Variants in MAST2 observed in about 807,000 individuals in gnomAD.
The protein encoded by MAST2 is microtubule-associated serine/threonine-protein kinase 2.
A neutral mutation model predicts 147.4 loss-of-function variants in MAST2; 70 were observed. The ratio of observed to expected loss-of-function variants is 0.47; its 90% CI spans 0.39 to 0.58. The LOEUF (loss-of-function observed/expected upper bound fraction) is 0.58. Ranked by LOEUF, MAST2 falls within the 20% of genes least tolerant of loss-of-function variation. The pLI, the probability that MAST2 is intolerant of heterozygous loss-of-function variation, is 0.00. For synonymous variants in MAST2, 869 were observed against 896.8 expected (o/e 0.97, Z 0.55); for missense variants, 2,080 against 2,302.3 (o/e 0.90, Z 1.98).
At chr1:46,019,798 C>A in intron 11 of MAST2, 101 bp downstream of exon 11, 1 of 998,182 alleles carries the variant, frequency 1.0e-6, no homozygotes, top group Non-Finnish European at 1.6e-6. Flanking sequence ...ACTGCCATTT[C>A]TGTTGCTTAG....
chr1:45,870,795 G>A (rs537056586), intron 3 of MAST2, among the ~76,000 whole-genome samples: 4 of 151,796 alleles, frequency 2.6e-5, no homozygotes, highest in East Asian at 1.9e-4. Flanking sequence ...CAGGCGTGGC[G>A]GTGCACACCT....
rs59944185 is a variant in MAST2 at position 45,883,912 on chromosome 1, G to GCCTCCCCCCCCCCCCC, written c.500+1519_500+1520insTCCCCCCCCCCCCCCC. Reference sequence around the variant, plus strand: ...ACTTGGTCATTTTTCTACTATTTCTGCCCCCCCCGCTTTTTTTTGGTTGCT... The same window carrying GCCTCCCCCCCCCCCCC: ...ACTTGGTCATTTTTCTACTATTTCTGCCTCCCCCCCCCCCCCCCCCCCCCGCTTTTTTTTGGTTGCT... On this transcript the variant is annotated intron_variant, in intron 4 of 28. Transcript: ENST00000361297. Among the ~76,000 whole-genome samples the GCCTCCCCCCCCCCCCC allele has an allele frequency of 7.2e-3, 18 of 2,500 alleles. 7 individuals are homozygous for GCCTCCCCCCCCCCCCC. Among genetic ancestry groups the GCCTCCCCCCCCCCCCC allele is most frequent in the Admixed American group, 0.031 (2 of 64 alleles). 1.6% of individuals were successfully genotyped at this position (2,500 alleles called of 152,430 possible).
chr1:46,023,694 A>G lies in MAST2; in HGVS notation c.1572-78A>G. Reference sequence around the variant, plus strand: ...TTCTGTGCATTAATTAAGGTGTGAGAGAAGGCAGTTTGGGTGGCAGAGAGC... The same window carrying G: ...TTCTGTGCATTAATTAAGGTGTGAGGGAAGGCAGTTTGGGTGGCAGAGAGC... On this transcript the variant is annotated intron_variant, in intron 14 of 28. Transcript: ENST00000361297. This position sits in a 1 kb window ranked among gnomAD's most constrained non-coding sequence, Gnocchi z 4.9. 1 of 1,330,702 alleles carries G rather than the reference A, an allele frequency of 7.5e-7. No homozygotes were observed. Among genetic ancestry groups the G allele is most frequent in the Non-Finnish European group, 1.1e-6 (1 of 948,524 alleles). The allele number at this position is 1,330,702 out of a possible 1,614,324, so 82.4% of individuals were successfully genotyped here. A position where few individuals can be genotyped will look rare whatever the true frequency, so the allele number is the denominator to read the frequency against.
At chr1:46,033,758 A>C (rs1183016591) in intron 26 of MAST2, 44 bp from the exon 27 acceptor site, 1 of 1,600,608 alleles carries the variant, frequency 6.2e-7, no homozygotes, top group Non-Finnish European at 8.6e-7. Context: ...GAGGGGCAAG[A>C]ATATGGCTCC....
chr1:45,858,074 C>T (rs893405156), intron 3 of MAST2, among the ~76,000 whole-genome samples: 24 of 151,948 alleles, frequency 1.6e-4, no homozygotes, highest in African/African-American at 4.6e-4. Context: ...AATAAACATA[C>T]GTGTGTATGT....
intron 1 of MAST2, among the ~76,000 whole-genome samples, chr1:45,808,423 G>A (rs957181751): frequency 3.3e-5 from 5 of 152,078 alleles, no homozygotes; most frequent in Admixed American, 2.0e-4. Flanking sequence ...TGCCCAGGCT[G>A]GTCTCGAACT....
At chr1:46,017,926 C>T (rs1646026049) in intron 10 of MAST2, among the ~76,000 whole-genome samples, 1 of 152,208 alleles carries the variant, frequency 6.6e-6, no homozygotes, top group Non-Finnish European at 1.5e-5. Flanking sequence ...TCCTTGTATC[C>T]TATTTACTAC....
intron 3 of MAST2, chr1:45,847,659 T>C (rs1021998430): frequency 1.4e-5 from 6 of 413,816 alleles, no homozygotes; most frequent in South Asian, 1.3e-4. Context: ...ACCCAGGCAG[T>C]CTCACCAACC....
chr1:45,960,986 G>C (rs1405191653), intron 5 of MAST2, among the ~76,000 whole-genome samples: 1 of 152,096 alleles, frequency 6.6e-6, no homozygotes, highest in Non-Finnish European at 1.5e-5. Context: ...AGTATTTGAG[G>C]GTCCTGAGAG....
intron 1 of MAST2, among the ~76,000 whole-genome samples, chr1:45,816,286 A>G (rs1385902002): frequency 6.6e-6 from 1 of 151,856 alleles, no homozygotes; most frequent in Non-Finnish European, 1.5e-5. Flanking sequence ...CCCAAGAATA[A>G]CAGATGCAAA....
chr1:45,876,767 A>C (rs961591282), intron 3 of MAST2, among the ~76,000 whole-genome samples: 1 of 152,198 alleles, frequency 6.6e-6, no homozygotes, highest in Non-Finnish European at 1.5e-5. Context: ...AGTCCTGGGC[A>C]TCAAATGCAG....
rs926097188 is a variant in MAST2, at chr1:45,827,119, C to T, written c.326-2320C>T. Among the ~76,000 whole-genome samples, 12 of 152,192 alleles carry T rather than the reference C, an allele frequency of 7.9e-5. No homozygotes were observed. The East Asian group carries it at 1.3e-3, about 17-fold the overall frequency. On this transcript the variant is annotated intron_variant, in intron 2 of 28. Coordinates refer to ENST00000361297, the MANE Select transcript of MAST2 (RefSeq NM_015112.3). ...CTGGAATTACAGGCGGGAGCCACCA[C>T]GCTCTGCCCAGGTTACTTCTTTTGT...
In MAST2 at chr1:46,035,732, ACAC is replaced by A; in HGVS notation, c.5064_5066del (p.Asn1688_Thr1689delinsLys). 6.2e-7 allele frequency: 1 copy of A among 1,613,984 alleles called. No homozygotes were observed. Among genetic ancestry groups the A allele is most frequent in the South Asian group, 1.1e-5 (1 of 91,078 alleles). ...CTAGCCAACCTCCAGGATTTGGAAA[ACAC>A]AACTCCAGCCCAGCCTAAGAACCTG... On this transcript the variant is annotated inframe_deletion, in exon 29 of 29. Transcript: ENST00000361297. The surrounding 1 kb of genome is among the most constrained non-coding windows in gnomAD (Gnocchi z 5.5).
At chr1:45,975,401 G>A (rs553570132) in intron 5 of MAST2, among the ~76,000 whole-genome samples, 2 of 142,146 alleles carry the variant, frequency 1.4e-5, no homozygotes, top group Admixed American at 1.5e-4. Context: ...GCTCACTCCT[G>A]TAATTCCAAC....
intron 5 of MAST2, among the ~76,000 whole-genome samples, chr1:45,974,552 G>T (rs555851711): frequency 1.3e-5 from 2 of 152,284 alleles, no homozygotes; most frequent in East Asian, 3.9e-4. Context: ...AGCTGTGATT[G>T]CACGGAACTG....
At chr1:45,940,405 G>T (rs1657069403) in intron 4 of MAST2, among the ~76,000 whole-genome samples, 1 of 152,042 alleles carries the variant, frequency 6.6e-6, no homozygotes, top group African/African-American at 2.4e-5. Flanking sequence ...ATGCTATTGT[G>T]AGTGGGGTTG....
At chr1:45,990,984 C>T (rs774468897) in intron 5 of MAST2, among the ~76,000 whole-genome samples, 6 of 152,064 alleles carry the variant, frequency 3.9e-5, no homozygotes, top group Admixed American at 1.3e-4. Context: ...CCTATGTTAT[C>T]ATATACAAGT....
intron 3 of MAST2, among the ~76,000 whole-genome samples, chr1:45,858,707 G>A (rs1016052304): frequency 2.7e-5 from 4 of 147,810 alleles, no homozygotes; most frequent in Non-Finnish European, 4.5e-5. Context: ...GTCCTGAATG[G>A]TATTGCCTAG....
intron 4 of MAST2, among the ~76,000 whole-genome samples, chr1:45,950,564 G>A (rs1658780488): frequency 6.6e-6 from 1 of 152,130 alleles, no homozygotes; most frequent in Admixed American, 6.5e-5. Flanking sequence ...TATACTCTTT[G>A]TGTGGTCTAG....
Sources: allele counts gnomAD v4.1 joint callset (sites outside exome capture counted in the v4.1 genomes callset), GRCh38; gene constraint gnomAD v4.1.1; non-coding constraint Gnocchi (gnomAD v3.1); transcripts MANE v1.5; gene names NCBI Gene and HGNC (gene_info 2026-07-23, HGNC 2026-07-21).